Variants in DSCAM observed in about 807,000 individuals in gnomAD.
DSCAM encodes cell adhesion molecule DSCAM.
Under a neutral mutation model 217.7 loss-of-function variants are expected in DSCAM, and 47 were observed. The observed-to-expected ratio is 0.22, with a 90% CI of 0.17 to 0.28. The LOEUF (loss-of-function observed/expected upper bound fraction) is 0.28, where lower values mean the gene tolerates loss of function less well. Among genes scored for constraint, DSCAM ranks in the 10% least tolerant of loss-of-function variants. DSCAM has a pLI of 1.00. For missense variants in DSCAM, 2,080 were observed against 2,618.3 expected, an observed-to-expected ratio of 0.79 and a Z score of 4.49; for synonymous variants, 1,056 against 1,015.3, an observed-to-expected ratio of 1.04 and a Z score of -0.76.
intron 3 of DSCAM, among the ~76,000 whole-genome samples, chr21:40,578,901 T>C (rs952014374): frequency 1.3e-5 from 2 of 152,196 alleles, no homozygotes; most frequent in Non-Finnish European, 2.9e-5. Flanking sequence ...GAATTTAATT[T>C]TCAAGTGACA....
intron 1 of DSCAM, among the ~76,000 whole-genome samples, chr21:40,811,306 G>C (rs938787571): frequency 6.6e-6 from 1 of 152,162 alleles, no homozygotes; most frequent in African/African-American, 2.4e-5. Context: ...AGTATTTGTG[G>C]CTCTGCATTT....
intron 3 of DSCAM, among the ~76,000 whole-genome samples, chr21:40,602,341 A>G (rs1416394223): frequency 3.3e-5 from 5 of 152,128 alleles, no homozygotes; most frequent in Admixed American, 3.3e-4. Flanking sequence ...GATCATAGTC[A>G]TGAGACATAA....
Position 40,347,667 on chromosome 21 carries a change from G to C in DSCAM, c.1210+3C>G, listed in dbSNP as rs911196655. On this transcript the variant is annotated splice_donor_region_variant and intron_variant, in intron 6 of 32. Coordinates refer to ENST00000400454, the MANE Select transcript of DSCAM (RefSeq NM_001389.5). ...GCCATACCCTGAAACGAGGCCCACT[G>C]ACCTTCAAGGACCACCTGCACATAG... 1.9e-6 allele frequency: 3 copies of C among 1,613,420 alleles called. No homozygotes were observed. In the African/African-American group the frequency reaches 4.0e-5, roughly 22 times the overall value.
chr21:40,784,672 C>A (rs867840421), intron 1 of DSCAM, among the ~76,000 whole-genome samples: 29 of 152,228 alleles, frequency 1.9e-4, no homozygotes, highest in African/African-American at 6.0e-4. Flanking sequence ...TTCATGGAAG[C>A]CCTCAGGAAT....
chr21:40,512,769 T>C (rs2076270034), intron 3 of DSCAM, among the ~76,000 whole-genome samples: 1 of 151,636 alleles, frequency 6.6e-6, no homozygotes. Context: ...GGGCAAGGCC[T>C]CCCCCGAGAC....
chr21:40,465,811 C>T (rs1410612926), intron 3 of DSCAM, among the ~76,000 whole-genome samples: 1 of 152,010 alleles, frequency 6.6e-6, no homozygotes, highest in African/African-American at 2.4e-5. Context: ...ACAGCTTACT[C>T]TTGAAATACT....
At chr21:40,259,274 C>CT (rs1555895623) in intron 11 of DSCAM, among the ~76,000 whole-genome samples, 14,724 of 56,320 alleles carry the variant, frequency 0.26, 2,071 homozygotes, top group African/African-American at 0.54. Context: ...CTTTAATGAA[C>CT]TCTTTTTTTT....
chr21:40,161,996 A>T (rs1246672566), intron 16 of DSCAM, among the ~76,000 whole-genome samples: 2 of 152,228 alleles, frequency 1.3e-5, no homozygotes, highest in African/African-American at 4.8e-5. Context: ...TGTAAATTTC[A>T]TATATCTTTA....
chr21:40,226,416 T>G (rs1000795246), intron 11 of DSCAM, among the ~76,000 whole-genome samples: 1 of 152,212 alleles, frequency 6.6e-6, no homozygotes, highest in African/African-American at 2.4e-5. Flanking sequence ...TTCACTTCCT[T>G]GCATTTCTTT....
At chr21:40,159,285 A>G (rs936339772) in intron 16 of DSCAM, among the ~76,000 whole-genome samples, 3 of 152,176 alleles carry the variant, frequency 2.0e-5, no homozygotes, top group African/African-American at 7.2e-5. Context: ...CTGTTTACTA[A>G]CTTATGTATC....
intron 11 of DSCAM, among the ~76,000 whole-genome samples, chr21:40,227,766 A>G (rs1378488724): frequency 6.6e-6 from 1 of 152,214 alleles, no homozygotes. Context: ...TCACATCTCC[A>G]CATCCAGTTC....
At chr21:40,397,308 C>T (rs571632740) in intron 3 of DSCAM, among the ~76,000 whole-genome samples, 23 of 123,922 alleles carry the variant, frequency 1.9e-4, no homozygotes, top group Middle Eastern at 8.8e-3. Flanking sequence ...TGAAGGGCTT[C>T]GGCCATCTCC....
At chr21:40,085,118 A>T (rs912499308) in intron 23 of DSCAM, among the ~76,000 whole-genome samples, 3 of 152,252 alleles carry the variant, frequency 2.0e-5, no homozygotes, top group African/African-American at 7.2e-5. Context: ...AAAAATACTT[A>T]GTATTAAATA....
rs71186933 is a variant in DSCAM, at chr21:40,402,049, CTTTTTTTTT to C, written c.509-32813_509-32805del. Among the ~76,000 whole-genome samples, 24 of 58,258 alleles carry C rather than the reference CTTTTTTTTT, an allele frequency of 4.1e-4. No homozygotes were observed. The South Asian group carries it at 4.1e-3, about 10-fold the overall frequency. The allele number at this position is 58,258 out of a possible 152,430, so 38.2% of individuals were successfully genotyped here. On this transcript the variant is annotated intron_variant, in intron 3 of 32. Coordinates refer to ENST00000400454, the MANE Select transcript of DSCAM (RefSeq NM_001389.5). The stretch of plus-strand genomic sequence containing the variant: ...AAATTTATTCTTATTATTCTTATTC[CTTTTTTTTT>C]TTTTTTTTTTTTTTTTTTTGAGACA...
intron 8 of DSCAM, among the ~76,000 whole-genome samples, chr21:40,334,629 A>G (rs1490301282): frequency 6.6e-6 from 1 of 152,012 alleles, no homozygotes; most frequent in Admixed American, 6.6e-5. Context: ...CAGGAATCAG[A>G]TGCGTCCTTC....
At chr21:40,145,709 G>A (rs986464574) in intron 16 of DSCAM, among the ~76,000 whole-genome samples, 2 of 152,090 alleles carry the variant, frequency 1.3e-5, no homozygotes, top group Non-Finnish European at 2.9e-5. Context: ...GCCAGGCATG[G>A]TGGTGGGTGT....
chr21:40,207,351 G>A lies in DSCAM; in HGVS notation c.2357-18113C>T, dbSNP rs142594338. Among the ~76,000 whole-genome samples, 1,512 of 152,234 alleles carry A rather than the reference G, an allele frequency of 9.9e-3. 30 individuals carry two copies. The highest frequency in any genetic ancestry group is 0.033 in the African/African-American group (1,359 of 41,552). On this transcript the variant is annotated intron_variant, in intron 11 of 32. Coordinates refer to ENST00000400454, the MANE Select transcript of DSCAM (RefSeq NM_001389.5). Reference sequence around the variant, plus strand: ...CTGAAAGTGTCCAGTTTGGTAGGAGGTGGGGACTGGGGTGCTGGCACTCTA... The same window carrying A: ...CTGAAAGTGTCCAGTTTGGTAGGAGATGGGGACTGGGGTGCTGGCACTCTA...
chr21:40,493,859 A>C (rs2076095350), intron 3 of DSCAM, among the ~76,000 whole-genome samples: 1 of 33,854 alleles, frequency 3.0e-5, no homozygotes, highest in Non-Finnish European at 5.3e-5. Context: ...GCAAAACTCC[A>C]TCTCAAAAAA....
intron 20 of DSCAM, among the ~76,000 whole-genome samples, chr21:40,111,689 C>T (rs956828442): frequency 1.3e-5 from 2 of 152,128 alleles, no homozygotes. Flanking sequence ...TGCAGAGACA[C>T]ATATAGGCTC....
Sources: allele counts gnomAD v4.1 joint callset (sites outside exome capture counted in the v4.1 genomes callset), GRCh38; gene constraint gnomAD v4.1.1; transcripts MANE v1.5; gene names NCBI Gene and HGNC (gene_info 2026-07-23, HGNC 2026-07-21).